Variants in MAGI2 observed in about 807,000 individuals in gnomAD.
The protein encoded by MAGI2 is membrane-associated guanylate kinase, WW and PDZ domain-containing protein 2.
Under a neutral mutation model 133.3 loss-of-function variants are expected in MAGI2, and 35 were observed. That is an observed-to-expected ratio of 0.26 (90% CI 0.20 to 0.35). The LOEUF is 0.35. MAGI2 is among the 10% of genes least tolerant of loss of function. MAGI2 has a pLI of 1.00. For synonymous variants in MAGI2, 729 were observed against 710.6 expected, an observed-to-expected ratio of 1.03 and a Z score of -0.41; for missense variants, 1,636 against 1,863.4, an observed-to-expected ratio of 0.88 and a Z score of 2.25.
At chr7:78,957,186 A>G (rs1012128917) in intron 2 of MAGI2, among the ~76,000 whole-genome samples, 1 of 145,186 alleles carries the variant, frequency 6.9e-6, no homozygotes, top group Non-Finnish European at 1.5e-5. Flanking sequence ...AATTGCTTGA[A>G]CCCGGGAGGC....
intron 2 of MAGI2, among the ~76,000 whole-genome samples, chr7:78,823,412 C>T (rs1031025210): frequency 6.6e-6 from 1 of 151,712 alleles, no homozygotes; most frequent in Admixed American, 6.6e-5. Flanking sequence ...TGAAACCCCA[C>T]CTCTACTAAA....
At chr7:79,084,003 G>A (rs1816274868) in intron 1 of MAGI2, among the ~76,000 whole-genome samples, 1 of 151,510 alleles carries the variant, frequency 6.6e-6, no homozygotes, top group Non-Finnish European at 1.5e-5. Context: ...GTTTGGTAAT[G>A]ACACTCCCTT....
chr7:78,350,176 G>A lies in MAGI2; in HGVS notation c.1104-4133C>T, dbSNP rs148248110. The A allele has an allele frequency of 4.4e-4, 67 of 152,240 alleles. No individual in the cohort carries two copies. The East Asian group carries it at 7.3e-3, about 17-fold the overall frequency. The allele number at this position is 152,240 out of a possible 1,614,324, so 9.4% of individuals were successfully genotyped here. ...TGCTTCCAAATTAAAAGTGGCAAAG[G>A]ACTCAGGATATTTAAGGATGAGATT... On this transcript the variant is annotated intron_variant, in intron 7 of 21. Coordinates refer to ENST00000354212, the MANE Select transcript of MAGI2 (RefSeq NM_012301.4).
intron 1 of MAGI2, among the ~76,000 whole-genome samples, chr7:79,321,443 CT>C (rs1839173400): frequency 1.5e-5 from 2 of 137,202 alleles, no homozygotes; most frequent in Admixed American, 1.5e-4. Context: ...ATAAAACTTG[CT>C]GATTCCCTCA....
chr7:78,681,933 T>C (rs534177299), intron 2 of MAGI2, among the ~76,000 whole-genome samples: 1 of 152,262 alleles, frequency 6.6e-6, no homozygotes, highest in Admixed American at 6.5e-5. Flanking sequence ...ACTGCAATGG[T>C]GAAGATGTGC....
intron 9 of MAGI2, among the ~76,000 whole-genome samples, chr7:78,294,595 A>G (rs1282340664): frequency 6.6e-6 from 1 of 152,162 alleles, no homozygotes; most frequent in Non-Finnish European, 1.5e-5. Flanking sequence ...ACGTGTGGAA[A>G]CACTTAGCAA....
intron 3 of MAGI2, among the ~76,000 whole-genome samples, chr7:78,577,247 T>G (rs1327783429): frequency 6.6e-6 from 1 of 152,138 alleles, no homozygotes; most frequent in Admixed American, 6.6e-5. Flanking sequence ...TAAAATGAGG[T>G]GATAAAAGTA....
intron 1 of MAGI2, among the ~76,000 whole-genome samples, chr7:79,010,091 G>T (rs1156453765): frequency 6.6e-6 from 1 of 151,706 alleles, no homozygotes; most frequent in East Asian, 1.9e-4. Context: ...ATATATTTTT[G>T]TGTATGTATA....
In MAGI2 at chr7:78,662,120, G is replaced by A. The variant is rs560754465; in HGVS notation, c.419-34881C>T. Among the ~76,000 whole-genome samples the A allele has an allele frequency of 1.1e-3, 173 of 152,188 alleles. 2 individuals are homozygous for A. The highest frequency in any genetic ancestry group is 4.1e-3 in the African/African-American group (169 of 41,518). The stretch of plus-strand genomic sequence containing the variant: ...AACTTACCAACTTAAAGGGCCCAAG[G>A]CTTTATTTATTTGGGGGACTAGAAC... On this transcript the variant is annotated intron_variant, in intron 2 of 21. Coordinates refer to ENST00000354212, the MANE Select transcript of MAGI2 (RefSeq NM_012301.4).
intron 9 of MAGI2, among the ~76,000 whole-genome samples, chr7:78,310,318 C>T (rs1798595595): frequency 1.3e-5 from 2 of 152,064 alleles, no homozygotes; most frequent in South Asian, 4.1e-4. Context: ...ACCTGTAGTC[C>T]CAGCTACTTG....
intron 1 of MAGI2, chr7:79,177,226 A>G (rs1826180910): frequency 6.6e-6 from 1 of 152,014 alleles, no homozygotes; most frequent in African/African-American, 2.4e-5. Flanking sequence ...TTTGTACTAT[A>G]TCGTTGAATT....
intron 3 of MAGI2, among the ~76,000 whole-genome samples, chr7:78,542,748 A>T (rs1798517735): frequency 6.6e-6 from 1 of 152,208 alleles, no homozygotes; most frequent in Non-Finnish European, 1.5e-5. Context: ...GCCTGAGAAG[A>T]TGACAGGAAG....
intron 3 of MAGI2, among the ~76,000 whole-genome samples, chr7:78,626,647 A>G (rs1808379305): frequency 6.6e-6 from 1 of 151,978 alleles, no homozygotes; most frequent in Non-Finnish European, 1.5e-5. Flanking sequence ...TCTACCCCAT[A>G]ATTTCGTGTA....
At chr7:79,039,139 G>A (rs1299247418) in intron 1 of MAGI2, among the ~76,000 whole-genome samples, 1 of 152,150 alleles carries the variant, frequency 6.6e-6, no homozygotes, top group African/African-American at 2.4e-5. Context: ...CCCCCATGCT[G>A]TTCTCGTGAT....
At chr7:79,000,115 T>C (rs929316357) in intron 2 of MAGI2, 1 of 152,192 alleles carries the variant, frequency 6.6e-6, no homozygotes. Context: ...ATATATTGCT[T>C]CTACTCCTCT....
intron 1 of MAGI2, among the ~76,000 whole-genome samples, chr7:79,139,437 C>G (rs890092054): frequency 1.3e-5 from 2 of 152,150 alleles, no homozygotes; most frequent in African/African-American, 4.8e-5. Flanking sequence ...GGAGGTTACA[C>G]TTGGATACAG....
intron 7 of MAGI2, among the ~76,000 whole-genome samples, chr7:78,347,864 C>T (rs1308075668): frequency 6.6e-6 from 1 of 152,180 alleles, no homozygotes; most frequent in African/African-American, 2.4e-5. Flanking sequence ...AGGCCTTGTG[C>T]ATCATGACTG....
At chr7:79,083,739 CTG>C (rs1816254121) in intron 1 of MAGI2, among the ~76,000 whole-genome samples, 1 of 151,648 alleles carries the variant, frequency 6.6e-6, no homozygotes, top group Admixed American at 6.6e-5. Context: ...TTGTGAATGA[CTG>C]GTGTTAATTC....
At chr7:79,267,493 T>C (rs1382668169) in intron 1 of MAGI2, among the ~76,000 whole-genome samples, 1 of 152,214 alleles carries the variant, frequency 6.6e-6, no homozygotes, top group Non-Finnish European at 1.5e-5. Flanking sequence ...GCCAGCGTGC[T>C]GGCTCGGGGT....
Sources: allele counts gnomAD v4.1 joint callset (sites outside exome capture counted in the v4.1 genomes callset), GRCh38; gene constraint gnomAD v4.1.1; transcripts MANE v1.5; gene names NCBI Gene and HGNC (gene_info 2026-07-23, HGNC 2026-07-21).